Variants in NTRK2 observed in about 807,000 individuals in gnomAD.
NTRK2 encodes the protein neurotrophic receptor tyrosine kinase 2.
In NTRK2, 13 loss-of-function variants were observed where a neutral mutation model predicts 94.5. The observed-to-expected ratio is 0.14, with a 90% CI of 0.09 to 0.22. The LOEUF is 0.22. Among genes scored for constraint, NTRK2 ranks in the 10% least tolerant of loss-of-function variants. The pLI is 1.00. For synonymous variants in NTRK2, 372 were observed against 407.4 expected (o/e 0.91, Z 1.05); for missense variants, 639 against 1,071.2 (o/e 0.60, Z 5.63).
At chr9:84,936,923 G>C (rs1325141401) in intron 15 of NTRK2, among the ~76,000 whole-genome samples, 6 of 152,024 alleles carry the variant, frequency 3.9e-5, no homozygotes, top group African/African-American at 9.7e-5. Flanking sequence ...GCTTCAGAGA[G>C]GATGTTTATT....
chr9:84,873,347 G>C (rs201151652), intron 14 of NTRK2: 1 of 1,058,256 alleles, frequency 9.4e-7, no homozygotes, highest in East Asian at 5.2e-5. Flanking sequence ...TGCCCAGCAC[G>C]AGCATTAGGA....
At chr9:84,833,591 AAG>A (rs1790167943) in intron 12 of NTRK2, among the ~76,000 whole-genome samples, 1 of 148,246 alleles carries the variant, frequency 6.7e-6, no homozygotes, top group Non-Finnish European at 1.5e-5. Flanking sequence ...GAAGGAAAGA[AAG>A]AGAAAAAGAA....
intron 14 of NTRK2, among the ~76,000 whole-genome samples, chr9:84,923,777 A>G (rs1254823602): frequency 2.0e-5 from 3 of 152,096 alleles, no homozygotes; most frequent in African/African-American, 4.8e-5. Context: ...TTAGCTGGGT[A>G]TGGTGGCACA....
intron 17 of NTRK2, among the ~76,000 whole-genome samples, chr9:85,018,284 G>A (rs561264662): frequency 5.9e-5 from 9 of 152,246 alleles, no homozygotes; most frequent in Admixed American, 2.0e-4. Context: ...TAAACCATAT[G>A]GTACATTCCA....
intron 12 of NTRK2, among the ~76,000 whole-genome samples, chr9:84,807,185 T>C (rs965885316): frequency 5.3e-5 from 8 of 152,268 alleles, no homozygotes; most frequent in Non-Finnish European, 7.3e-5. Flanking sequence ...TGCCATTTTA[T>C]GGCTGATTGC....
chr9:84,703,796 C>CATTTCA (rs1461181321), intron 4 of NTRK2, among the ~76,000 whole-genome samples: 10 of 152,208 alleles, frequency 6.6e-5, no homozygotes, highest in Admixed American at 1.3e-4. Context: ...TTTATTAACA[C>CATTTCA]ATTTCAATTA....
chr9:84,707,104 C>A (rs2061151628), intron 4 of NTRK2, among the ~76,000 whole-genome samples: 1 of 152,158 alleles, frequency 6.6e-6, no homozygotes, highest in South Asian at 2.1e-4. Flanking sequence ...TCTCATGACA[C>A]TGATCATTGG....
At chr9:84,857,209 A>G (rs2131952905) in intron 12 of NTRK2, among the ~76,000 whole-genome samples, 1 of 152,298 alleles carries the variant, frequency 6.6e-6, no homozygotes, top group Non-Finnish European at 1.5e-5. Context: ...GGTCAGGGAA[A>G]ATGTTGAGCT....
intron 17 of NTRK2, among the ~76,000 whole-genome samples, chr9:84,994,560 C>G (rs928952046): frequency 8.5e-5 from 13 of 152,176 alleles, no homozygotes; most frequent in African/African-American, 3.1e-4. Context: ...AGAAGACACT[C>G]TTTATTGTTA....
At chr9:84,868,783 A>T (rs2075710361) in intron 14 of NTRK2, among the ~76,000 whole-genome samples, 1 of 152,178 alleles carries the variant, frequency 6.6e-6, no homozygotes, top group Non-Finnish European at 1.5e-5. Context: ...AAGGAGTAAG[A>T]CTAAGCAGGA....
At chr9:84,728,000 T>C (rs201461716) in intron 9 of NTRK2, 41 bp downstream of exon 9, 2 of 1,577,922 alleles carry the variant, frequency 1.3e-6, no homozygotes, top group South Asian at 2.2e-5. Context: ...GAAGATAAAG[T>C]CTATCATTCA....
At chr9:84,932,262 C>T (rs2078062996) in intron 14 of NTRK2, among the ~76,000 whole-genome samples, 1 of 152,172 alleles carries the variant, frequency 6.6e-6, no homozygotes, top group Non-Finnish European at 1.5e-5. Context: ...ATACTACACA[C>T]ACAATACAGC....
chr9:85,021,437 G>A lies in NTRK2; in HGVS notation c.2517G>A (p.Ter839=), dbSNP rs1832772162. ...CGGTCTACCTGGACATTCTAGGCTA[G>A]GGCCCTTTTCCCCAGACCGATCCTT... ...ASPVYLDILG[*] Residue 839 remains the stop codon, a stop_retained_variant, in exon 19 of 19, where the codon TAG becomes TAA. Transcript: ENST00000277120. The A allele has an allele frequency of 1.9e-6, 3 of 1,614,150 alleles. No homozygotes were observed. The highest frequency in any genetic ancestry group is 2.5e-6 in the Non-Finnish European group (3 of 1,180,018).
intron 6 of NTRK2, among the ~76,000 whole-genome samples, chr9:84,720,107 G>A (rs1245059401): frequency 1.3e-5 from 2 of 151,466 alleles, no homozygotes; most frequent in East Asian, 1.9e-4. Flanking sequence ...AGTAGTAACT[G>A]ACTTAAAGGG....
intron 17 of NTRK2, among the ~76,000 whole-genome samples, chr9:85,015,268 T>TG (rs921338909): frequency 6.6e-6 from 1 of 152,164 alleles, no homozygotes; most frequent in Non-Finnish European, 1.5e-5. Context: ...ACTGTACAGG[T>TG]GGCAAACCGA....
intron 9 of NTRK2, among the ~76,000 whole-genome samples, chr9:84,730,782 G>GAAAAAAAAAAAAAAAAAAAAA (rs1564145193): frequency 2.1e-4 from 1 of 4,760 alleles, no homozygotes; most frequent in African/African-American, 8.7e-4. Flanking sequence ...TAAACAAATA[G>GAAAAAAAAAAAAAAAAAAAAA]CAAAAAAAAA....
At chr9:84,687,570 T>G (rs1281806484) in intron 2 of NTRK2, among the ~76,000 whole-genome samples, 1 of 152,212 alleles carries the variant, frequency 6.6e-6, no homozygotes, top group Non-Finnish European at 1.5e-5. Context: ...GTCATTACCA[T>G]CCTTTGATTG....
chr9:84,904,626 A>C (rs2132429347), intron 14 of NTRK2, among the ~76,000 whole-genome samples: 1 of 152,322 alleles, frequency 6.6e-6, no homozygotes, highest in East Asian at 1.9e-4. Flanking sequence ...AAACAACAGA[A>C]TATTCTGTGA....
chr9:84,930,339 C>T (rs1446110643), intron 14 of NTRK2, among the ~76,000 whole-genome samples: 1 of 152,100 alleles, frequency 6.6e-6, no homozygotes, highest in East Asian at 1.9e-4. Flanking sequence ...AGAAGGAAGG[C>T]ACTGGTAGGG....
Sources: gnomAD v4.1 joint callset for allele counts (sites outside exome capture counted in the v4.1 genomes callset) on GRCh38, gnomAD v4.1.1 for gene constraint, MANE v1.5 for transcripts, NCBI Gene and HGNC (gene_info 2026-07-23, HGNC 2026-07-21) for gene names.